Variants in AKAP19 observed in about 807,000 individuals in gnomAD.
AKAP19 encodes the protein small A-kinase anchoring protein.
chr2:189,905,809 T>C, the AKAP19 span, among the ~76,000 whole-genome samples: 7,578 of 152,034 alleles, frequency 0.05, 313 homozygotes, highest in African/African-American at 0.1. Context: ...TGAAATTTTC[T>C]TTCCATGTTA....
At chr2:190,196,265 A>G in the AKAP19 span, among the ~76,000 whole-genome samples, 4 of 151,192 alleles carry the variant, frequency 2.6e-5, no homozygotes, top group Non-Finnish European at 5.9e-5. Flanking sequence ...TTTTCCCTCC[A>G]TTTTTCAGAT....
the AKAP19 span, among the ~76,000 whole-genome samples, chr2:189,921,591 A>G: frequency 6.6e-6 from 1 of 152,186 alleles, no homozygotes; most frequent in South Asian, 2.1e-4. Flanking sequence ...GTAGAGAATT[A>G]TGGATAGATT....
chr2:189,933,910 G>T, the AKAP19 span, among the ~76,000 whole-genome samples: 2 of 151,950 alleles, frequency 1.3e-5, no homozygotes, highest in East Asian at 3.9e-4. Flanking sequence ...AGCTAAATAT[G>T]GCATGTCCTA....
chr2:189,916,065 T>G, the AKAP19 span, among the ~76,000 whole-genome samples: 1 of 152,126 alleles, frequency 6.6e-6, no homozygotes. Flanking sequence ...ATTTGGATTT[T>G]GTTTTTGTTT....
chr2:190,126,774 A>G, the AKAP19 span, among the ~76,000 whole-genome samples: 1 of 152,176 alleles, frequency 6.6e-6, no homozygotes, highest in Admixed American at 6.5e-5. Flanking sequence ...AAGTAAAAAA[A>G]AAACAAAGTG....
the AKAP19 span, among the ~76,000 whole-genome samples, chr2:190,116,258 G>T: frequency 6.6e-6 from 1 of 152,182 alleles, no homozygotes; most frequent in Non-Finnish European, 1.5e-5. Flanking sequence ...TCATGGTTCT[G>T]GAGGTGGGGA....
the AKAP19 span, among the ~76,000 whole-genome samples, chr2:189,933,184 A>G: frequency 3.3e-5 from 5 of 152,182 alleles, no homozygotes; most frequent in African/African-American, 7.2e-5. Flanking sequence ...TGCTTGTGAA[A>G]CTAGGTTAAC....
the AKAP19 span, among the ~76,000 whole-genome samples, chr2:190,168,895 A>T: frequency 6.6e-6 from 1 of 152,048 alleles, no homozygotes; most frequent in East Asian, 1.9e-4. Context: ...ACATTTTCCT[A>T]TCTTCTTCTG....
At chr2:189,919,218 C>A in the AKAP19 span, among the ~76,000 whole-genome samples, 1 of 151,936 alleles carries the variant, frequency 6.6e-6, no homozygotes, top group African/African-American at 2.4e-5. Context: ...AGAAAGCAGA[C>A]GAGTAGTTGC....
At chr2:190,164,090 G>A in the AKAP19 span, 12 of 152,206 alleles carry the variant, frequency 7.9e-5, 2 homozygotes, top group Admixed American at 7.2e-4. Context: ...ACTTTTAACT[G>A]TGAGACAGAA....
At chr2:190,132,122 C>T in the AKAP19 span, among the ~76,000 whole-genome samples, 27 of 151,858 alleles carry the variant, frequency 1.8e-4, no homozygotes, top group African/African-American at 4.8e-4. Context: ...AACTGTACAC[C>T]GAAAGCTATA....
chr2:190,097,878 A>G, the AKAP19 span, among the ~76,000 whole-genome samples: 121 of 144,400 alleles, frequency 8.4e-4, no homozygotes, highest in African/African-American at 3.0e-3. Context: ...AAAAAAAAAA[A>G]AAAGAAAAGA....
At chr2:190,191,096 C>T in the AKAP19 span, among the ~76,000 whole-genome samples, 1 of 152,124 alleles carries the variant, frequency 6.6e-6, no homozygotes, top group African/African-American at 2.4e-5. Context: ...TTGTTGTCAA[C>T]TTTTGGCAAT....
chr2:190,201,665 T>G, the AKAP19 span: 1 of 167,062 alleles, frequency 6.0e-6, no homozygotes, highest in South Asian at 2.1e-4. Context: ...ATTTGAAATA[T>G]GCCATGTTTT....
chr2:190,097,801 T>A, the AKAP19 span, among the ~76,000 whole-genome samples: 1 of 126,896 alleles, frequency 7.9e-6, no homozygotes, highest in African/African-American at 3.1e-5. Context: ...GGTGAGAGGA[T>A]CACTTGAGCC....
At chr2:189,988,012 C>CG in the AKAP19 span, among the ~76,000 whole-genome samples, 3 of 149,344 alleles carry the variant, frequency 2.0e-5, no homozygotes, top group Admixed American at 6.7e-5. Context: ...GGGGTGGTGG[C>CG]GGGGGGCAGT....
the AKAP19 span, among the ~76,000 whole-genome samples, chr2:190,185,773 C>T: frequency 6.6e-6 from 1 of 152,302 alleles, no homozygotes; most frequent in East Asian, 1.9e-4. Context: ...TCCTAAATTA[C>T]TGTTGTCATT....
chr2:190,120,804 C>T, the AKAP19 span, among the ~76,000 whole-genome samples: 104 of 152,276 alleles, frequency 6.8e-4, no homozygotes, highest in African/African-American at 2.3e-3. Context: ...TCAGGTAGCA[C>T]AGTCATTTTT....
the AKAP19 span, among the ~76,000 whole-genome samples, chr2:190,147,750 G>T: frequency 6.0e-3 from 497 of 82,306 alleles, 1 homozygote; most frequent in African/African-American, 0.01. Context: ...TTTTTTTTTT[G>T]TTGTTGTTGT....
Sources: allele counts gnomAD v4.1 joint callset (sites outside exome capture counted in the v4.1 genomes callset), GRCh38; gene constraint gnomAD v4.1.1; transcripts MANE v1.5; gene names NCBI Gene and HGNC (gene_info 2026-07-23, HGNC 2026-07-21).